The following CACNA2D1 variants were observed in gnomAD, a reference collection of about 807,000 sequenced individuals.
The protein encoded by CACNA2D1 is voltage-dependent calcium channel subunit alpha-2/delta-1.
A neutral mutation model predicts 171.5 loss-of-function variants in CACNA2D1; 53 were observed. That is an observed-to-expected ratio of 0.31 (90% CI 0.25 to 0.39). CACNA2D1 has a LOEUF of 0.39. CACNA2D1 is among the 10% of genes least tolerant of loss of function. The probability of loss-of-function intolerance (pLI) is 1.00; values close to 1 mark genes in which losing one functional copy is unlikely to be tolerated. For missense variants in CACNA2D1, 903 were observed against 1,299.8 expected, an observed-to-expected ratio of 0.69 and a Z score of 4.69; for synonymous variants, 442 against 443.1, an observed-to-expected ratio of 1.00 and a Z score of 0.03.
rs1049231693 is a variant in CACNA2D1 at position 82,262,517 on chromosome 7, G to A, written c.294+72618C>T. Among the ~76,000 whole-genome samples the A allele has an allele frequency of 1.1e-4, 16 of 151,864 alleles. No homozygotes were observed. The South Asian group carries it at 1.5e-3, about 14-fold the overall frequency. On this transcript the variant is annotated intron_variant, in intron 3 of 38. Coordinates refer to ENST00000356860, the MANE Select transcript of CACNA2D1 (RefSeq NM_000722.4). ...ATGGTGTTATTTCTAGAGCATTGCCGCCAACTAAAAAAAAATTCACTTTTG... is the reference window on the plus strand; with the variant it reads ...ATGGTGTTATTTCTAGAGCATTGCCACCAACTAAAAAAAAATTCACTTTTG...
rs116999975 is a variant in CACNA2D1, at chr7:82,433,624, T to A, written c.95+9741A>T. ...TCACCTGCCTCTATCAGAACATTCA[T>A]CCATCAATCATGGCATCTCATTGCT... On this transcript the variant is annotated intron_variant, in intron 1 of 38. Transcript: ENST00000356860. Among the ~76,000 whole-genome samples, 15 of 152,322 alleles carry A rather than the reference T, an allele frequency of 9.8e-5. No homozygotes were observed. The East Asian group carries it at 2.5e-3, about 25-fold the overall frequency.
intron 3 of CACNA2D1, among the ~76,000 whole-genome samples, chr7:82,334,668 A>C (rs1817770025): frequency 6.6e-6 from 1 of 151,828 alleles, no homozygotes. Context: ...GTGAGGGAAA[A>C]CTATTTTTAA....
chr7:82,412,299 T>TC (rs1827757666), intron 1 of CACNA2D1, among the ~76,000 whole-genome samples: 1 of 151,368 alleles, frequency 6.6e-6, no homozygotes, highest in South Asian at 2.1e-4. Flanking sequence ...TTTTTTTTTT[T>TC]TGAGACACAG....
intron 1 of CACNA2D1, among the ~76,000 whole-genome samples, chr7:82,424,493 G>C (rs955395936): frequency 1.3e-5 from 2 of 152,288 alleles, no homozygotes; most frequent in Non-Finnish European, 2.9e-5. Flanking sequence ...ATCAGATGTT[G>C]TTTAGGACTG....
chr7:82,428,684 T>C (rs905061332), intron 1 of CACNA2D1, among the ~76,000 whole-genome samples: 6 of 152,298 alleles, frequency 3.9e-5, no homozygotes, highest in South Asian at 2.1e-4. Context: ...AAGTACTTGA[T>C]GGCCTCTCAT....
At chr7:82,067,406 CTG>C (rs773029117) in intron 7 of CACNA2D1, among the ~76,000 whole-genome samples, 19 of 152,206 alleles carry the variant, frequency 1.2e-4, no homozygotes, top group Non-Finnish European at 2.6e-4. Flanking sequence ...TTCTGAGAAA[CTG>C]TGGAAATTAT....
chr7:82,084,923 T>C, intron 6 of CACNA2D1, 23 bp from the exon 7 acceptor site: 1 of 1,587,298 alleles, frequency 6.3e-7, no homozygotes, highest in South Asian at 1.1e-5. Flanking sequence ...AGAGAAACCA[T>C]TAATTAATTC....
chr7:82,109,967 G>A (rs1352097609), intron 6 of CACNA2D1, among the ~76,000 whole-genome samples: 1 of 152,100 alleles, frequency 6.6e-6, no homozygotes, highest in Non-Finnish European at 1.5e-5. Flanking sequence ...GAATGACGTC[G>A]TTTTTTACCC....
At chr7:82,146,308 A>G (rs1793039058) in intron 4 of CACNA2D1, among the ~76,000 whole-genome samples, 3 of 140,502 alleles carry the variant, frequency 2.1e-5, no homozygotes, top group Non-Finnish European at 4.8e-5. Context: ...ACATATATAT[A>G]TACGTGTGTG....
chr7:81,955,186 T>G (rs1432058787), intron 38 of CACNA2D1, among the ~76,000 whole-genome samples: 1 of 152,106 alleles, frequency 6.6e-6, no homozygotes, highest in Non-Finnish European at 1.5e-5. Context: ...CATAACTGTT[T>G]TTGTATAATC....
intron 3 of CACNA2D1, among the ~76,000 whole-genome samples, chr7:82,331,866 C>T (rs1817338277): frequency 1.3e-5 from 2 of 152,086 alleles, no homozygotes; most frequent in African/African-American, 4.8e-5. Flanking sequence ...GAATCATTTT[C>T]CACTGTCACC....
intron 6 of CACNA2D1, among the ~76,000 whole-genome samples, chr7:82,097,268 A>G (rs1014381160): frequency 6.6e-6 from 1 of 152,204 alleles, no homozygotes; most frequent in Non-Finnish European, 1.5e-5. Context: ...TAGGAATACT[A>G]AAGTTAAAAT....
Position 82,443,501 on chromosome 7 carries a change from G to A in CACNA2D1, c.-42C>T, listed in dbSNP as rs1191814225. ...CAATGCCCCCTCCCTGCCCAAGCGG[G>A]GGAAGGAGCGGCGCTGGAAACCGCG... On this transcript the variant is annotated 5_prime_UTR_variant, in exon 1 of 39. Transcript: ENST00000356860. 1.3e-6 allele frequency: 2 copies of A among 1,594,958 alleles called. No individual in the cohort carries two copies. Among genetic ancestry groups the A allele is most frequent in the Non-Finnish European group, 1.7e-6 (2 of 1,170,978 alleles).
chr7:82,319,744 A>C (rs1815581585), intron 3 of CACNA2D1, among the ~76,000 whole-genome samples: 1 of 152,218 alleles, frequency 6.6e-6, no homozygotes, highest in Non-Finnish European at 1.5e-5. Flanking sequence ...GTAAACAATC[A>C]GGGGTGACTG....
chr7:82,293,697 C>T (rs1184056076), intron 3 of CACNA2D1, among the ~76,000 whole-genome samples: 1 of 152,116 alleles, frequency 6.6e-6, no homozygotes, highest in Non-Finnish European at 1.5e-5. Context: ...TCTCTGAGTC[C>T]AGAGCTTCTT....
chr7:82,202,575 C>T (rs1799563603), intron 3 of CACNA2D1, among the ~76,000 whole-genome samples: 1 of 152,168 alleles, frequency 6.6e-6, no homozygotes, highest in South Asian at 2.1e-4. Flanking sequence ...TAAGCCTTTG[C>T]TGGCAGAGTT....
chr7:82,216,500 G>A (rs907536780), intron 3 of CACNA2D1, among the ~76,000 whole-genome samples: 2 of 152,120 alleles, frequency 1.3e-5, no homozygotes, highest in Admixed American at 6.6e-5. Flanking sequence ...AATAGAATAT[G>A]AAGCAGTTTA....
intron 10 of CACNA2D1, among the ~76,000 whole-genome samples, chr7:82,045,739 C>T (rs1377844370): frequency 2.0e-5 from 3 of 152,072 alleles, no homozygotes; most frequent in African/African-American, 7.2e-5. Context: ...GAATCACCTG[C>T]GTGCCAGGCT....
At position 81,949,015 on chromosome 7, in the gene CACNA2D1, T is replaced by G. The variant is rs1189664945; in HGVS notation, c.*1377A>C. Reference sequence around the variant, plus strand: ...CAAGGTTTCCTATTTGTTCAGATTATTGTAAAACCCTTATCAACTTGCATG... The same window carrying G: ...CAAGGTTTCCTATTTGTTCAGATTAGTGTAAAACCCTTATCAACTTGCATG... On this transcript the variant is annotated 3_prime_UTR_variant, in exon 39 of 39. Transcript: ENST00000356860. 9 of 151,982 alleles carry G rather than the reference T, an allele frequency of 5.9e-5. No homozygotes were observed. Among genetic ancestry groups the G allele is most frequent in the Admixed American group, 5.9e-4 (9 of 15,226 alleles). 9.4% of individuals were successfully genotyped at this position (151,982 alleles called of 1,614,324 possible). A position where few individuals can be genotyped will look rare whatever the true frequency, so the allele number is the denominator to read the frequency against.
Sources: gnomAD v4.1 joint callset for allele counts (sites outside exome capture counted in the v4.1 genomes callset) on GRCh38, gnomAD v4.1.1 for gene constraint, MANE v1.5 for transcripts, NCBI Gene and HGNC (gene_info 2026-07-23, HGNC 2026-07-21) for gene names.